SIK3: variants seen among roughly 807,000 people sequenced by gnomAD.
The protein encoded by SIK3 is serine/threonine-protein kinase SIK3.
In SIK3, 28 loss-of-function variants were observed where a neutral mutation model predicts 144.2. The ratio of observed to expected loss-of-function variants is 0.19; its 90% CI spans 0.14 to 0.27. The LOEUF (loss-of-function observed/expected upper bound fraction) is 0.27, where lower values mean the gene tolerates loss of function less well. SIK3 is among the 10% of genes least tolerant of loss of function. The probability of loss-of-function intolerance (pLI) is 1.00; values close to 1 mark genes in which losing one functional copy is unlikely to be tolerated. For missense variants in SIK3, 1,319 were observed against 1,776.0 expected, an observed-to-expected ratio of 0.74 and a Z score of 4.62; for synonymous variants, 686 against 676.3, an observed-to-expected ratio of 1.01 and a Z score of -0.22.
chr11:117,000,091 TATA>T (rs1454583270), intron 1 of SIK3, among the ~76,000 whole-genome samples: 1 of 152,248 alleles, frequency 6.6e-6, no homozygotes, highest in African/African-American at 2.4e-5. Flanking sequence ...ATTAGATAGT[TATA>T]ATTTTTTTCA....
intron 20 of SIK3, among the ~76,000 whole-genome samples, 185 bp downstream of exon 20, chr11:116,859,080 C>A (rs555934108): frequency 2.9e-4 from 44 of 152,274 alleles, no homozygotes; most frequent in Non-Finnish European, 4.1e-4. Flanking sequence ...AGAATTTTAA[C>A]CCTGGGTCAA....
chr11:117,060,200 G>A (rs1161791106), intron 1 of SIK3, among the ~76,000 whole-genome samples: 4 of 152,194 alleles, frequency 2.6e-5, no homozygotes, highest in Admixed American at 6.5e-5. Context: ...AAAAAACTTG[G>A]AGGAAACCTA....
chr11:116,999,403 T>TA (rs1288923509), intron 1 of SIK3, among the ~76,000 whole-genome samples: 1 of 152,326 alleles, frequency 6.6e-6, no homozygotes, highest in East Asian at 1.9e-4. Flanking sequence ...AAAATTTTTT[T>TA]AATCTGTGAT....
chr11:116,858,334 A>G lies in SIK3; in HGVS notation c.3131T>C (p.Ile1044Thr). 6.2e-7 allele frequency: 1 copy of G among 1,613,280 alleles called. No homozygotes were observed. Among genetic ancestry groups the G allele is most frequent in the Non-Finnish European group, 8.5e-7 (1 of 1,179,564 alleles). The change falls in exon 21 of 25, where the codon ATT becomes ACT. Residue 1044 changes from isoleucine (I) to threonine (T), a missense_variant. Around this residue, in one of 8 missense-constraint regions of SIK3, gnomAD observed 646 missense variants for 763.7 expected, o/e 0.85. Transcript: ENST00000445177. The surrounding 1 kb of genome is among the most constrained non-coding windows in gnomAD (Gnocchi z 5.4). ...CTGCCGTTGTTGCTGCTGCCTTTTA[A>G]TGAGCTGTGCAAACTCTGTTGGGGG... ...RLPPTEFAQL[I>T]KRQQQQRQQQ...
At chr11:116,920,191 T>C (rs558459351) in intron 4 of SIK3, among the ~76,000 whole-genome samples, 1 of 151,432 alleles carries the variant, frequency 6.6e-6, no homozygotes, top group East Asian at 1.9e-4. Context: ...ACCTTGTGCA[T>C]TCTACTGCTG....
intron 2 of SIK3, among the ~76,000 whole-genome samples, chr11:116,956,712 T>C (rs529978027): frequency 6.6e-6 from 1 of 152,314 alleles, no homozygotes; most frequent in Admixed American, 6.5e-5. Context: ...CATCAAATTT[T>C]AAAGAACAAA....
chr11:116,877,862 T>C (rs569457350), intron 6 of SIK3, among the ~76,000 whole-genome samples: 4 of 152,358 alleles, frequency 2.6e-5, no homozygotes, highest in African/African-American at 9.6e-5. Context: ...AACAGCACTA[T>C]TGATGCATCT....
intron 1 of SIK3, among the ~76,000 whole-genome samples, chr11:116,988,473 G>T (rs1565530784): frequency 6.6e-6 from 1 of 151,884 alleles, no homozygotes; most frequent in Non-Finnish European, 1.5e-5. Context: ...AGTATCAGAA[G>T]AAACATTATA....
intron 3 of SIK3, among the ~76,000 whole-genome samples, chr11:116,932,454 T>C (rs149195170): frequency 6.6e-6 from 1 of 152,194 alleles, no homozygotes; most frequent in Non-Finnish European, 1.5e-5. Flanking sequence ...CTTTATCACA[T>C]GTGTAGATTT....
At chr11:117,081,968 T>C (rs566484024) in intron 1 of SIK3, among the ~76,000 whole-genome samples, 1 of 152,220 alleles carries the variant, frequency 6.6e-6, no homozygotes, top group African/African-American at 2.4e-5. Context: ...AATTCAAAAA[T>C]GGGCAAAGGA....
At chr11:117,097,741 T>A (rs1263843833) in intron 1 of SIK3, among the ~76,000 whole-genome samples, 1 of 152,034 alleles carries the variant, frequency 6.6e-6, no homozygotes, top group African/African-American at 2.4e-5. Flanking sequence ...ATCCTCCGGG[T>A]CCACATTTCA....
rs1943722545 is a variant in SIK3, at chr11:116,867,723, T to G, written c.1952+223A>C. On this transcript the variant is annotated intron_variant, in intron 15 of 24. Transcript: ENST00000445177. This position sits in a 1 kb window ranked among gnomAD's most constrained non-coding sequence, Gnocchi z 4.1. ...ATCAAATGCAGACAATAAACAGGTC[T>G]GCAAGGTAATGGGAGAGAGGAATCT... 2 of 411,688 alleles carry G rather than the reference T, an allele frequency of 4.9e-6. No homozygotes were observed. Among genetic ancestry groups the G allele is most frequent in the African/African-American group, 4.1e-5 (2 of 48,628 alleles). The allele number at this position is 411,688 out of a possible 1,614,324, so 25.5% of individuals were successfully genotyped here. A position where few individuals can be genotyped will look rare whatever the true frequency, so the allele number is the denominator to read the frequency against.
At chr11:116,911,098 C>T (rs1374748860) in intron 4 of SIK3, among the ~76,000 whole-genome samples, 1 of 152,040 alleles carries the variant, frequency 6.6e-6, no homozygotes, top group Non-Finnish European at 1.5e-5. Context: ...CATGCCACTG[C>T]ACTCCAACCT....
chr11:117,054,774 T>G (rs897789454), intron 1 of SIK3, among the ~76,000 whole-genome samples: 2 of 151,904 alleles, frequency 1.3e-5, no homozygotes, highest in African/African-American at 2.4e-5. Context: ...ATAAATAATT[T>G]TAAAATAAAT....
At chr11:117,065,277 A>G (rs1953960758) in intron 1 of SIK3, among the ~76,000 whole-genome samples, 1 of 151,974 alleles carries the variant, frequency 6.6e-6, no homozygotes, top group Admixed American at 6.6e-5. Context: ...AAACTACTTT[A>G]TTATTTTAAA....
At chr11:116,906,150 G>A (rs544451737) in intron 4 of SIK3, among the ~76,000 whole-genome samples, 23 of 152,268 alleles carry the variant, frequency 1.5e-4, no homozygotes, top group African/African-American at 5.5e-4. Context: ...GGTTAGGTGT[G>A]AGGTGAATAT....
intron 3 of SIK3, among the ~76,000 whole-genome samples, chr11:116,930,838 T>G (rs1172586765): frequency 1.4e-5 from 2 of 138,780 alleles, no homozygotes; most frequent in Admixed American, 7.6e-5. Flanking sequence ...TCCATCACAC[T>G]AAGCTTTTTT....
chr11:116,925,539 T>G (rs1947230830), intron 4 of SIK3, among the ~76,000 whole-genome samples: 1 of 152,250 alleles, frequency 6.6e-6, no homozygotes, highest in Non-Finnish European at 1.5e-5. Context: ...GAGACCCAGC[T>G]TGGACTTCTG....
chr11:116,940,109 C>T (rs1245566537), intron 3 of SIK3, among the ~76,000 whole-genome samples: 1 of 152,128 alleles, frequency 6.6e-6, no homozygotes, highest in Non-Finnish European at 1.5e-5. Context: ...ATTTACTTTA[C>T]CTAACTATAG....
Sources: allele counts gnomAD v4.1 joint callset (sites outside exome capture counted in the v4.1 genomes callset), GRCh38; gene constraint gnomAD v4.1.1; regional missense constraint gnomAD v4.1.1; non-coding constraint Gnocchi (gnomAD v3.1); transcripts MANE v1.5; gene names NCBI Gene and HGNC (gene_info 2026-07-23, HGNC 2026-07-21).